XPO4: variants seen among roughly 807,000 people sequenced by gnomAD.
The protein encoded by XPO4 is exportin-4.
Under a neutral mutation model 143.0 loss-of-function variants are expected in XPO4, and 39 were observed. That is an observed-to-expected ratio of 0.27 (90% CI 0.21 to 0.36). The LOEUF (loss-of-function observed/expected upper bound fraction) is 0.36. Ranked by LOEUF, XPO4 falls within the 10% of genes least tolerant of loss-of-function variation. The pLI, the probability that XPO4 is intolerant of heterozygous loss-of-function variation, is 1.00. For missense variants in XPO4, 907 were observed against 1,348.0 expected, an observed-to-expected ratio of 0.67 and a Z score of 5.12; for synonymous variants, 439 against 474.0, an observed-to-expected ratio of 0.93 and a Z score of 0.96.
chr13:20,809,472 A>G (rs547817956), intron 10 of XPO4, among the ~76,000 whole-genome samples: 2 of 152,288 alleles, frequency 1.3e-5, no homozygotes, highest in East Asian at 3.9e-4. Flanking sequence ...TGATCAACAC[A>G]ACTAACTGCA....
chr13:20,800,956 C>G lies in XPO4; in HGVS notation c.1852G>C (p.Glu618Gln), dbSNP rs1272421918. The G allele has an allele frequency of 6.2e-7, 1 of 1,613,918 alleles. No homozygotes were observed. The highest frequency in any genetic ancestry group is 8.5e-7 in the Non-Finnish European group (1 of 1,179,942). Residue 618 changes from glutamate (E) to glutamine (Q), a missense_variant, in exon 14 of 23, where the codon GAA becomes CAA. Transcript: ENST00000255305. ...LSAILRVSEV[E>Q]SRAIRADLTH... Reference sequence around the variant, plus strand: ...AGATCTGCTCTTATTGCTCGAGATTCAACTTCTGAAACTCTGAGAATGGCA... The same window carrying G: ...AGATCTGCTCTTATTGCTCGAGATTGAACTTCTGAAACTCTGAGAATGGCA...
intron 22 of XPO4, among the ~76,000 whole-genome samples, chr13:20,786,443 C>T (rs1019169648): frequency 6.6e-6 from 1 of 151,982 alleles, no homozygotes; most frequent in African/African-American, 2.4e-5. Context: ...CCTATTCGAT[C>T]AGAAGTGGGG....
In XPO4 at chr13:20,777,955, AG is replaced by A. The variant is rs1287436329; in HGVS notation, c.*5766del. The A allele has an allele frequency of 2.6e-5, 4 of 152,222 alleles. No individual in the cohort carries two copies. Among genetic ancestry groups the A allele is most frequent in the Non-Finnish European group, 4.4e-5 (3 of 68,034 alleles). 9.4% of individuals were successfully genotyped at this position (152,222 alleles called of 1,614,324 possible). On this transcript the variant is annotated 3_prime_UTR_variant, in exon 23 of 23. Transcript: ENST00000255305. Reference sequence around the variant, plus strand: ...TATACCATTTCCACTTAGTTTTAAAAGAAAGTCAAACTGAACTGCCATTTGA... The same window carrying A: ...TATACCATTTCCACTTAGTTTTAAAAAAAGTCAAACTGAACTGCCATTTGA...
intron 3 of XPO4, 147 bp downstream of exon 3, chr13:20,862,570 C>T: frequency 1.0e-6 from 1 of 953,732 alleles, no homozygotes; most frequent in Non-Finnish European, 1.5e-6. Flanking sequence ...TCAAGGAGAT[C>T]CTCCCTCTCA....
intron 3 of XPO4, among the ~76,000 whole-genome samples, chr13:20,862,318 A>G (rs2060209275): frequency 6.6e-6 from 1 of 152,194 alleles, no homozygotes; most frequent in Admixed American, 6.5e-5. Flanking sequence ...ACAACAAAAA[A>G]CTAATATCCA....
rs763185687 is a variant in XPO4, at chr13:20,783,806, C to T, written c.3372G>A (p.Thr1124=). The change falls in exon 23 of 23, where the codon ACG becomes ACA. Residue 1124 remains threonine, a synonymous_variant. Transcript: ENST00000255305. ...NKLTASSTPP[T]LDRKQKMAFL... ...AGGCCATCTTCTGCTTCCGATCCAG[C>T]GTAGGAGGAGTGCTGCTTGCAGTGA... is the stretch of plus-strand genomic sequence containing the variant. 15 of 1,614,200 alleles carry T rather than the reference C, an allele frequency of 9.3e-6. No homozygotes were observed. The highest frequency in any genetic ancestry group is 2.2e-5 in the South Asian group (2 of 91,084).
intron 20 of XPO4, among the ~76,000 whole-genome samples, chr13:20,788,138 C>G (rs2059232203): frequency 6.6e-6 from 1 of 151,504 alleles, no homozygotes; most frequent in East Asian, 1.9e-4. Context: ...TCACTGCCAC[C>G]TCCGCCTCCC....
intron 1 of XPO4, among the ~76,000 whole-genome samples, chr13:20,901,892 C>CT (rs1421190019): frequency 2.6e-5 from 4 of 152,238 alleles, no homozygotes; most frequent in Non-Finnish European, 5.9e-5. Context: ...ACACTGTTTA[C>CT]TAACTGAACG....
intron 1 of XPO4, among the ~76,000 whole-genome samples, chr13:20,885,886 G>A (rs995545024): frequency 1.3e-5 from 2 of 152,140 alleles, no homozygotes; most frequent in Non-Finnish European, 1.5e-5. Context: ...GAGAAAAACA[G>A]AATTTAGGGC....
intron 6 of XPO4, among the ~76,000 whole-genome samples, chr13:20,837,002 A>T (rs2059923997): frequency 6.6e-6 from 1 of 152,206 alleles, no homozygotes; most frequent in East Asian, 1.9e-4. Context: ...TCAGTAATTC[A>T]TGTCTTTTTA....
chr13:20,847,591 C>A (rs184720471), intron 4 of XPO4, among the ~76,000 whole-genome samples: 1 of 152,192 alleles, frequency 6.6e-6, no homozygotes, highest in African/African-American at 2.4e-5. Flanking sequence ...TGCACTACCC[C>A]CTAACTCACC....
chr13:20,796,169 T>C lies in XPO4; in HGVS notation c.2704A>G (p.Thr902Ala). The change falls in exon 18 of 23, where the codon ACA becomes GCA. Residue 902 changes from threonine (T) to alanine (A), a missense_variant. Physicochemically the swap from Thr to Ala is moderately conservative, Grantham distance 58 (BLOSUM62 0). Transcript: ENST00000255305. Reference sequence around the variant, plus strand: ...TCTTGGTATTGCTCTTCTTCTGCTGTAACATCTATTCTTTGCCGCCCTAAA... The same window carrying C: ...TCTTGGTATTGCTCTTCTTCTGCTGCAACATCTATTCTTTGCCGCCCTAAA... ...NNLGRQRIDV[T>A]AEEEQYQDLL... 6.2e-7 allele frequency: 1 copy of C among 1,613,870 alleles called. No homozygotes were observed. Among genetic ancestry groups the C allele is most frequent in the Non-Finnish European group, 8.5e-7 (1 of 1,179,954 alleles).
At chr13:20,820,640 C>A (rs1396177443) in intron 9 of XPO4, among the ~76,000 whole-genome samples, 2 of 152,292 alleles carry the variant, frequency 1.3e-5, no homozygotes, top group South Asian at 4.1e-4. Context: ...CTGAAACATT[C>A]AACTGTACAT....
At chr13:20,868,399 C>A in intron 2 of XPO4, 197 bp downstream of exon 2, 7 of 892,230 alleles carry the variant, frequency 7.8e-6, no homozygotes, top group South Asian at 2.5e-5. Context: ...GGGAAAAATC[C>A]AAAGTAAAAA....
At chr13:20,878,930 T>C (rs2060379963) in intron 1 of XPO4, among the ~76,000 whole-genome samples, 1 of 152,336 alleles carries the variant, frequency 6.6e-6, no homozygotes, top group East Asian at 1.9e-4. Flanking sequence ...TTCTCGATAG[T>C]ACAGCTGACC....
intron 7 of XPO4, among the ~76,000 whole-genome samples, chr13:20,822,558 C>T (rs1259938978): frequency 1.3e-5 from 2 of 152,192 alleles, no homozygotes; most frequent in East Asian, 3.8e-4. Flanking sequence ...AAGAGAGAAA[C>T]AGATGCCAGC....
chr13:20,820,611 TAG>T (rs972935612), intron 9 of XPO4, among the ~76,000 whole-genome samples: 2 of 152,236 alleles, frequency 1.3e-5, no homozygotes, highest in Non-Finnish European at 2.9e-5. Flanking sequence ...TTTTTATGTT[TAG>T]AATGTAAAGT....
At chr13:20,897,990 T>G (rs1417955166) in intron 1 of XPO4, among the ~76,000 whole-genome samples, 1 of 152,132 alleles carries the variant, frequency 6.6e-6, no homozygotes, top group Admixed American at 6.5e-5. Flanking sequence ...TGACCTCAGG[T>G]GATCCACCTA....
intron 9 of XPO4, among the ~76,000 whole-genome samples, chr13:20,813,305 A>G (rs1441712965): frequency 6.6e-6 from 1 of 152,212 alleles, no homozygotes; most frequent in East Asian, 1.9e-4. Context: ...AACCAACAAG[A>G]AACTAGTTCT....
Sources: allele counts gnomAD v4.1 joint callset (sites outside exome capture counted in the v4.1 genomes callset), GRCh38; gene constraint gnomAD v4.1.1; transcripts MANE v1.5; gene names NCBI Gene and HGNC (gene_info 2026-07-23, HGNC 2026-07-21).